The following ARRDC5 variants were observed in gnomAD, a reference collection of about 807,000 sequenced individuals.
ARRDC5 encodes arrestin domain containing 5, also known as arrestin domain-containing protein 5.
ARRDC5 carries 12 observed loss-of-function variants against 13.3 expected under a neutral mutation model. The ratio of observed to expected loss-of-function variants is 0.90; its 90% confidence interval spans 0.58 to 1.46. The LOEUF is 1.46. Ranked by LOEUF, ARRDC5 falls within the 40% of genes most tolerant of loss-of-function variation. ARRDC5 has a pLI of 0.00. For synonymous variants in ARRDC5, 181 were observed against 173.4 expected, an observed-to-expected ratio of 1.04 and a Z score of -0.34; for missense variants, 406 against 418.7, an observed-to-expected ratio of 0.97 and a Z score of 0.26.
the ARRDC5 span, among the ~76,000 whole-genome samples, chr19:4,916,654 C>T: frequency 2.6e-5 from 4 of 152,070 alleles, no homozygotes; most frequent in East Asian, 1.9e-4. Flanking sequence ...CCGCCGCCCC[C>T]TCTTGTGGGT....
At chr19:4,903,030 T>TTTTTCACTGGTTCA, upstream of ARRDC5, 1 of 233,542 alleles carries the variant, frequency 4.3e-6, no homozygotes, top group Non-Finnish European at 6.7e-6. Flanking sequence ...TCACTGGTTC[T>TTTTTCACTGGTTCA]TTTTTTTTTT....
the ARRDC5 span, among the ~76,000 whole-genome samples, chr19:4,913,976 T>C: frequency 2.2e-4 from 34 of 151,986 alleles, no homozygotes; most frequent in Admixed American, 4.6e-4. Context: ...CATGCGCAGC[T>C]AATTTTTTTT....
At chr19:4,901,093 T>G (rs1391893435) in intron 1 of ARRDC5, among the ~76,000 whole-genome samples, 1 of 151,710 alleles carries the variant, frequency 6.6e-6, no homozygotes, top group Non-Finnish European at 1.5e-5. Context: ...GAGCCGAGAT[T>G]GCGCCATTGC....
At chr19:4,903,095 T>C, upstream of ARRDC5, 3 of 433,546 alleles carry the variant, frequency 6.9e-6, no homozygotes, top group Non-Finnish European at 1.3e-5. Context: ...GGTGCCATCT[T>C]GGCTCACTGC....
the ARRDC5 span, chr19:4,909,829 C>G: frequency 2.4e-6 from 1 of 409,680 alleles, no homozygotes. Context: ...CGGCACACAT[C>G]CGGCTGGAGC....
upstream of ARRDC5, among the ~76,000 whole-genome samples, chr19:4,903,894 G>C (rs1030829621): frequency 2.6e-5 from 4 of 152,200 alleles, no homozygotes; most frequent in African/African-American, 7.2e-5. Context: ...CTGAAATCTG[G>C]TGCGCACTGA....
chr19:4,909,436 G>A, the ARRDC5 span: 1 of 651,412 alleles, frequency 1.5e-6, no homozygotes, highest in African/African-American at 1.9e-5. Context: ...GCAGGCGCCC[G>A]CCCCCGGCAC....
At chr19:4,896,543 G>A in intron 2 of ARRDC5, 128 bp downstream of exon 2, 1 of 673,954 alleles carries the variant, frequency 1.5e-6, no homozygotes, top group South Asian at 1.9e-5. Flanking sequence ...AAATCTCGGG[G>A]CCTGGGAAGC....
chr19:4,897,292 G>A (rs1485567009), intron 1 of ARRDC5, among the ~76,000 whole-genome samples: 2 of 151,844 alleles, frequency 1.3e-5, no homozygotes, highest in Admixed American at 6.6e-5. Context: ...GCATGGAGGT[G>A]GGTCCTGGGC....
chr19:4,902,921 C>T (rs1456823184), upstream of ARRDC5: 4 of 1,581,894 alleles, frequency 2.5e-6, no homozygotes, highest in Middle Eastern at 2.2e-4. Flanking sequence ...TCTATGACAT[C>T]ACTCAGCTCA....
chr19:4,906,805 G>A (rs1469421580), upstream of ARRDC5, among the ~76,000 whole-genome samples: 2 of 152,246 alleles, frequency 1.3e-5, no homozygotes, highest in East Asian at 1.9e-4. Context: ...TTTCAGCCAC[G>A]TTGAGTTTTC....
At chr19:4,902,958 G>A, upstream of ARRDC5, 1 of 1,350,628 alleles carries the variant, frequency 7.4e-7, no homozygotes, top group Non-Finnish European at 1.0e-6. Flanking sequence ...GGACCCCAGT[G>A]GCCAGGAGGG....
chr19:4,909,239 C>T, the ARRDC5 span: 5 of 514,772 alleles, frequency 9.7e-6, no homozygotes, highest in Non-Finnish European at 1.4e-5. Context: ...CCCAAGGCTC[C>T]TGGGGTGTCC....
At chr19:4,912,897 C>T in the ARRDC5 span, among the ~76,000 whole-genome samples, 1 of 151,664 alleles carries the variant, frequency 6.6e-6, no homozygotes, top group African/African-American at 2.4e-5. Flanking sequence ...GTAGCTAGGA[C>T]TATAGGCATG....
chr19:4,890,746 G>A lies in ARRDC5; in HGVS notation c.*300C>T, dbSNP rs906403260. ...TAGCAGAGGGGAGAATTCTCCCCAA[G>A]TAGGACCCCTGGTCTTGGCACTGTG... On this transcript the variant is annotated 3_prime_UTR_variant, in exon 3 of 3. Coordinates refer to ENST00000650722, the MANE Select transcript of ARRDC5 (RefSeq NM_001080523.3). 8 of 351,990 alleles carry A rather than the reference G, an allele frequency of 2.3e-5. No individual in the cohort carries two copies. Among genetic ancestry groups the A allele is most frequent in the Non-Finnish European group, 4.2e-5 (8 of 190,982 alleles). 21.8% of individuals were successfully genotyped at this position (351,990 alleles called of 1,614,324 possible). A position where few individuals can be genotyped will look rare whatever the true frequency, so the allele number is the denominator to read the frequency against.
chr19:4,914,397 C>CT, the ARRDC5 span, among the ~76,000 whole-genome samples: 64 of 151,664 alleles, frequency 4.2e-4, no homozygotes, highest in South Asian at 8.4e-4. Flanking sequence ...TGTTCACAGT[C>CT]TTTTTTTTTC....
At chr19:4,904,217 C>T (rs1568400957), upstream of ARRDC5, among the ~76,000 whole-genome samples, 1 of 147,216 alleles carries the variant, frequency 6.8e-6, no homozygotes, top group Non-Finnish European at 1.5e-5. Context: ...CTCACTTTGT[C>T]ACCCAGGCTG....
Position 4,891,590 on chromosome 19 carries a change from G to A in ARRDC5, c.460-17C>T. ...CAAGGGGTTCTAGGAGGATGTGGGGGAACAGACAACCGTGAGGGACCAGGA... is the reference window on the plus strand; with the variant it reads ...CAAGGGGTTCTAGGAGGATGTGGGGAAACAGACAACCGTGAGGGACCAGGA... On this transcript the variant is annotated splice_polypyrimidine_tract_variant and intron_variant, in intron 2 of 2. Transcript: ENST00000650722. The A allele has an allele frequency of 1.3e-6, 2 of 1,598,576 alleles. No individual in the cohort carries two copies. Among genetic ancestry groups the A allele is most frequent in the Non-Finnish European group, 1.7e-6 (2 of 1,172,218 alleles).
At chr19:4,914,763 C>T in the ARRDC5 span, among the ~76,000 whole-genome samples, 2 of 151,942 alleles carry the variant, frequency 1.3e-5, no homozygotes, top group South Asian at 4.2e-4. Flanking sequence ...TTTTCAGCAT[C>T]CCTGGCCCGC....
Sources: allele counts gnomAD v4.1 joint callset (sites outside exome capture counted in the v4.1 genomes callset), GRCh38; gene constraint gnomAD v4.1.1; transcripts MANE v1.5; gene names NCBI Gene and HGNC (gene_info 2026-07-23, HGNC 2026-07-21).